The following SMYD3 variants were observed in gnomAD, a reference collection of about 807,000 sequenced individuals.
SMYD3 encodes the protein SET and MYND domain containing 3, also known as histone-lysine N-methyltransferase SMYD3.
A neutral mutation model predicts 57.7 loss-of-function variants in SMYD3; 36 were observed. The observed-to-expected ratio is 0.62, with a 90% CI of 0.48 to 0.82. The LOEUF is 0.82. Among genes scored for constraint, SMYD3 ranks in the 40% least tolerant of loss-of-function variants. The pLI, the probability that SMYD3 is intolerant of heterozygous loss-of-function variation, is 0.00. For synonymous variants in SMYD3, 211 were observed against 195.0 expected, an observed-to-expected ratio of 1.08 and a Z score of -0.68; for missense variants, 515 against 538.8, an observed-to-expected ratio of 0.96 and a Z score of 0.44.
intron 5 of SMYD3, among the ~76,000 whole-genome samples, chr1:246,263,639 TTATGA>T (rs2064051803): frequency 1.3e-5 from 2 of 152,366 alleles, no homozygotes; most frequent in African/African-American, 2.4e-5. Context: ...AAATAGCTGC[TTATGA>T]TATAACTTAA....
chr1:246,286,973 C>G (rs143475932), intron 5 of SMYD3, among the ~76,000 whole-genome samples: 62 of 151,462 alleles, frequency 4.1e-4, no homozygotes, highest in Non-Finnish European at 7.5e-4. Context: ...TAGGTTCAAG[C>G]AGTTCTCATG....
chr1:245,916,609 G>A (rs74154340), intron 7 of SMYD3, among the ~76,000 whole-genome samples: 9,192 of 151,956 alleles, frequency 0.06, 544 homozygotes, highest in African/African-American at 0.14. Flanking sequence ...GAAATTCTGC[G>A]GGCTCCACCT....
rs113095944 is a variant in SMYD3, at chr1:246,143,960, C to G, written c.531+183241G>C. The stretch of plus-strand genomic sequence containing the variant: ...CCAGCCAGGCACTCGTTTCCTCACA[C>G]AACAGCAGCATGGCTAACCAACAGC... On this transcript the variant is annotated intron_variant, in intron 5 of 11. Transcript: ENST00000490107. 5.6e-4 allele frequency among the ~76,000 whole-genome samples: 85 copies of G among 152,350 alleles called. 1 individual carries two copies. The highest frequency in any genetic ancestry group is 2.0e-3 in the African/African-American group (82 of 41,574).
At chr1:246,255,940 AGAT>A (rs2063880795) in intron 5 of SMYD3, among the ~76,000 whole-genome samples, 1 of 133,564 alleles carries the variant, frequency 7.5e-6, no homozygotes, top group African/African-American at 3.0e-5. Context: ...ATAGATAGAT[AGAT>A]AGATAGATAG....
chr1:246,295,500 C>A (rs1435427958), intron 5 of SMYD3, among the ~76,000 whole-genome samples: 1 of 152,106 alleles, frequency 6.6e-6, no homozygotes, highest in Non-Finnish European at 1.5e-5. Flanking sequence ...TTTGATTTAA[C>A]AAGAAGATTC....
At chr1:245,946,102 A>G (rs2057420352) in intron 5 of SMYD3, among the ~76,000 whole-genome samples, 1 of 152,196 alleles carries the variant, frequency 6.6e-6, no homozygotes. Flanking sequence ...CGTCCTGTAC[A>G]TGCACCCCCG....
At chr1:246,239,115 T>C (rs972881701) in intron 5 of SMYD3, among the ~76,000 whole-genome samples, 1 of 152,204 alleles carries the variant, frequency 6.6e-6, no homozygotes, top group Non-Finnish European at 1.5e-5. Flanking sequence ...TTTTAAATTA[T>C]ACTTTAAGTT....
At chr1:246,259,480 T>A (rs2063960200) in intron 5 of SMYD3, among the ~76,000 whole-genome samples, 1 of 152,158 alleles carries the variant, frequency 6.6e-6, no homozygotes, top group African/African-American at 2.4e-5. Flanking sequence ...TTGGGTAAGA[T>A]CTATTTGTTT....
chr1:246,361,476 C>CA (rs1001690033), intron 1 of SMYD3, among the ~76,000 whole-genome samples: 2 of 152,114 alleles, frequency 1.3e-5, no homozygotes, highest in East Asian at 1.9e-4. Context: ...AGTCATTATA[C>CA]AAAAAAGATA....
intron 5 of SMYD3, among the ~76,000 whole-genome samples, chr1:246,225,455 G>T (rs1322200606): frequency 6.6e-6 from 1 of 151,158 alleles, no homozygotes; most frequent in African/African-American, 2.5e-5. Context: ...ATTAGAATGG[G>T]CTGAAAAGAG....
chr1:245,919,704 G>C (rs1232164798), intron 7 of SMYD3, among the ~76,000 whole-genome samples: 1 of 152,190 alleles, frequency 6.6e-6, no homozygotes, highest in Non-Finnish European at 1.5e-5. Flanking sequence ...TGACTCACTA[G>C]TTGTAATGGA....
intron 5 of SMYD3, among the ~76,000 whole-genome samples, chr1:246,220,804 T>A (rs1363740837): frequency 6.6e-6 from 1 of 152,100 alleles, no homozygotes; most frequent in African/African-American, 2.4e-5. Context: ...CAGTGCAAAC[T>A]TCCTCCCCTC....
At chr1:245,798,388 G>A (rs75426533) in intron 10 of SMYD3, among the ~76,000 whole-genome samples, 82 of 2,260 alleles carry the variant, frequency 0.036, 1 homozygote, top group Admixed American at 0.11. Context: ...ACACACACAC[G>A]CGCACACACA....
At chr1:246,422,371 T>A (rs1160305759) in intron 1 of SMYD3, among the ~76,000 whole-genome samples, 1 of 152,068 alleles carries the variant, frequency 6.6e-6, no homozygotes, top group East Asian at 1.9e-4. Context: ...GAAAGTATAA[T>A]CTCCTCGGGG....
At chr1:246,324,416 CAAAAAAAA>C in intron 5 of SMYD3, among the ~76,000 whole-genome samples, 1 of 42,604 alleles carries the variant, frequency 2.3e-5, no homozygotes, top group African/African-American at 6.8e-5. Context: ...AACTCCATCT[CAAAAAAAA>C]AAAAAAAAAA....
intron 10 of SMYD3, among the ~76,000 whole-genome samples, chr1:245,776,503 T>C (rs903304144): frequency 6.6e-6 from 1 of 152,258 alleles, no homozygotes; most frequent in Non-Finnish European, 1.5e-5. Flanking sequence ...TACCAAGCCG[T>C]ATGTATCTGT....
chr1:245,879,868 A>G (rs1411226789), intron 8 of SMYD3, among the ~76,000 whole-genome samples: 1 of 152,264 alleles, frequency 6.6e-6, no homozygotes, highest in East Asian at 1.9e-4. Context: ...ACCAATGCTT[A>G]TTAAGAATTT....
intron 1 of SMYD3, among the ~76,000 whole-genome samples, chr1:246,478,526 TA>T (rs1159925039): frequency 1.8e-5 from 2 of 110,318 alleles, no homozygotes; most frequent in African/African-American, 7.3e-5. Context: ...AGCTGGTACA[TA>T]AGTGCTCATA....
chr1:246,239,771 A>G (rs1475289456), intron 5 of SMYD3, among the ~76,000 whole-genome samples: 1 of 152,012 alleles, frequency 6.6e-6, no homozygotes, highest in African/African-American at 2.4e-5. Context: ...TGACTTTTTA[A>G]TGATCGCCAT....
Sources: gnomAD v4.1 joint callset for allele counts (sites outside exome capture counted in the v4.1 genomes callset) on GRCh38, gnomAD v4.1.1 for gene constraint, MANE v1.5 for transcripts, NCBI Gene and HGNC (gene_info 2026-07-23, HGNC 2026-07-21) for gene names.